Variants in XKR7 observed in about 807,000 individuals in gnomAD.
The protein encoded by XKR7 is XK-related protein 7.
XKR7 carries 11 observed loss-of-function variants against 42.2 expected under a neutral mutation model. The ratio of observed to expected loss-of-function variants is 0.26; its 90% CI spans 0.16 to 0.43. The LOEUF (loss-of-function observed/expected upper bound fraction) is 0.43. Among genes scored for constraint, XKR7 ranks in the 20% least tolerant of loss-of-function variants. The pLI is 1.00. For synonymous variants in XKR7, 346 were observed against 366.4 expected, an observed-to-expected ratio of 0.94 and a Z score of 0.64; for missense variants, 710 against 802.2, an observed-to-expected ratio of 0.89 and a Z score of 1.39.
chr20:31,968,537 G>C lies in XKR7; in HGVS notation c.362G>C (p.Gly121Ala). 2.5e-6 allele frequency: 4 copies of C among 1,608,244 alleles called. No homozygotes were observed. Among genetic ancestry groups the C allele is most frequent in the Non-Finnish European group, 2.5e-6 (3 of 1,177,678 alleles). ...GTCTACGACTACTCGGAGCCCGCAG[G>C]GTCCCCGGGACCCGCCGTCAGCACC... ...WFVYDYSEPA[G>A]SPGPAVSTKD... Residue 121 changes from glycine to alanine, a missense_variant, in exon 1 of 3, where the codon GGG (glycine) becomes GCG (alanine). Gly to Ala is a moderately conservative substitution (Grantham distance 60). Around this residue, in one of 2 missense-constraint regions of XKR7, gnomAD observed 708 missense variants for 786.2 expected, o/e 0.90. Transcript: ENST00000562532. This position sits in a 1 kb window ranked among gnomAD's most constrained non-coding sequence, Gnocchi z 4.5.
intron 1 of XKR7, among the ~76,000 whole-genome samples, chr20:31,973,708 G>C (rs2064473851): frequency 6.6e-6 from 1 of 152,156 alleles, no homozygotes; most frequent in South Asian, 2.1e-4. Context: ...GGCAGAAATA[G>C]AGTGAGGGGA....
chr20:31,982,289 G>A (rs914208230), intron 1 of XKR7, among the ~76,000 whole-genome samples: 1 of 152,110 alleles, frequency 6.6e-6, no homozygotes, highest in African/African-American at 2.4e-5. Flanking sequence ...GGGAGGCTGA[G>A]GTGGGTGGAT....
rs1189007426 is a variant in XKR7 at position 31,968,734 on chromosome 20, C to T, written c.559C>T (p.Leu187Phe). The T allele has an allele frequency of 6.5e-7, 1 of 1,541,804 alleles. No homozygotes were observed. Among genetic ancestry groups the T allele is most frequent in the Non-Finnish European group, 8.7e-7 (1 of 1,151,964 alleles). ...CIWLLQTLVH[L>F]LQLGQVWRYL... ...CTGGCTGCTGCAGACCCTCGTCCAC[C>T]TCCTGCAGCTCGGCCAGGTCTGGAG... Residue 187 changes from leucine (L) to phenylalanine (F), a missense_variant, in exon 1 of 3, where the codon CTC (leucine) becomes TTC (phenylalanine). Leu to Phe is a conservative substitution (Grantham distance 22). Transcript: ENST00000562532. This position sits in a 1 kb window ranked among gnomAD's most constrained non-coding sequence, Gnocchi z 4.5.
At chr20:31,969,169 C>G (rs1406183596) in intron 1 of XKR7, among the ~76,000 whole-genome samples, 1 of 152,206 alleles carries the variant, frequency 6.6e-6, no homozygotes, top group Non-Finnish European at 1.5e-5. Flanking sequence ...TCTCAGAAGT[C>G]CTTTCCTGCT....
Position 31,997,127 on chromosome 20 carries a change from G to A in XKR7, c.1410G>A (p.Thr470=), listed in dbSNP as rs746729361. The change falls in exon 3 of 3, where the codon ACG becomes ACA. Residue 470 remains threonine, a synonymous_variant. Transcript: ENST00000562532. ...GTGGCCCACCCGCTGACGCCATCAC[G>A]AGTCCCCCCAGGTCCCTGCCAAGGA... The part of the protein sequence containing the change: ...EPCGPPADAI[T]SPPRSLPRTT... 6.8e-6 allele frequency: 11 copies of A among 1,612,432 alleles called. No homozygotes were observed. Among genetic ancestry groups the A allele is most frequent in the East Asian group, 6.7e-5 (3 of 44,878 alleles).
At chr20:31,971,517 A>G (rs915084055) in intron 1 of XKR7, among the ~76,000 whole-genome samples, 1 of 152,228 alleles carries the variant, frequency 6.6e-6, no homozygotes. Context: ...AGGGGCTGGC[A>G]TTCCTAGAAA....
At chr20:31,981,973 C>A (rs1018879978) in intron 1 of XKR7, among the ~76,000 whole-genome samples, 1 of 152,240 alleles carries the variant, frequency 6.6e-6, no homozygotes, top group Non-Finnish European at 1.5e-5. Flanking sequence ...CCTTCCCTGA[C>A]TGCCACACCC....
chr20:31,996,984 T>G lies in XKR7; in HGVS notation c.1267T>G (p.Ser423Ala). The G allele has an allele frequency of 6.2e-7, 1 of 1,614,156 alleles. No individual in the cohort carries two copies. The highest frequency in any genetic ancestry group is 1.1e-5 in the South Asian group (1 of 91,086). Residue 423 changes from serine (S) to alanine (A), a missense_variant, in exon 3 of 3, where the codon TCC becomes GCC. By Grantham distance (99) the Ser-to-Ala change is moderately conservative. Coordinates refer to ENST00000562532, the MANE Select transcript of XKR7 (RefSeq NM_001011718.2). ...YSLIMVCVVA[S>A]SFALGIFFMC... ...GCTCATCATGGTCTGCGTAGTGGCC[T>G]CCAGCTTTGCGCTGGGCATATTCTT...
chr20:31,993,657 A>G (rs2064579303), intron 1 of XKR7, among the ~76,000 whole-genome samples: 1 of 152,192 alleles, frequency 6.6e-6, no homozygotes, highest in Non-Finnish European at 1.5e-5. Context: ...CTGTGTGCTA[A>G]GAACTGAGGA....
Position 31,995,167 on chromosome 20 carries a change from G to A in XKR7, c.684G>A (p.Val228=). The change falls in exon 2 of 3, where the codon GTG becomes GTA. Residue 228 remains valine (V), a synonymous_variant. Transcript: ENST00000562532. The surrounding 1 kb of genome is among the most constrained non-coding windows in gnomAD (Gnocchi z 4.1). ...YWQMLFESAD[V]SMLRLLETFL... ...AGATGCTGTTCGAGAGCGCCGACGTGAGCATGCTGCGCTTGCTGGAGACCT... is the reference window on the plus strand; with the variant it reads ...AGATGCTGTTCGAGAGCGCCGACGTAAGCATGCTGCGCTTGCTGGAGACCT... The A allele has an allele frequency of 1.3e-6, 2 of 1,552,500 alleles. No homozygotes were observed. Among genetic ancestry groups the A allele is most frequent in the Non-Finnish European group, 1.7e-6 (2 of 1,148,292 alleles).
At chr20:31,976,359 GA>G (rs2064484852) in intron 1 of XKR7, among the ~76,000 whole-genome samples, 1 of 152,036 alleles carries the variant, frequency 6.6e-6, no homozygotes, top group Non-Finnish European at 1.5e-5. Flanking sequence ...AGAAGCAGAA[GA>G]AAAAATATCA....
intron 1 of XKR7, among the ~76,000 whole-genome samples, chr20:31,993,753 A>T (rs2064579613): frequency 6.6e-6 from 1 of 152,184 alleles, no homozygotes; most frequent in African/African-American, 2.4e-5. Context: ...GTTACAACCC[A>T]CTGTGACAAG....
chr20:31,995,774 C>T lies in XKR7; in HGVS notation c.787+504C>T, dbSNP rs757775183. Reference sequence around the variant, plus strand: ...CCCAGGCCTAGTCCTGGCACCCATCCCCTCCTCCTCCCTACAGGCCCTGTT... The same window carrying T: ...CCCAGGCCTAGTCCTGGCACCCATCTCCTCCTCCTCCCTACAGGCCCTGTT... On this transcript the variant is annotated intron_variant, in intron 2 of 2. Transcript: ENST00000562532. The surrounding 1 kb of genome is among the most constrained non-coding windows in gnomAD (Gnocchi z 4.1). 1.4e-4 allele frequency among the ~76,000 whole-genome samples: 22 copies of T among 151,998 alleles called. No individual in the cohort carries two copies. Among genetic ancestry groups the T allele is most frequent in the Non-Finnish European group, 3.1e-4 (21 of 67,954 alleles).
chr20:31,987,939 AGACT>A (rs111396211), intron 1 of XKR7, among the ~76,000 whole-genome samples: 3 of 152,224 alleles, frequency 2.0e-5, no homozygotes, highest in African/African-American at 7.2e-5. Context: ...TTCCAGGGCG[AGACT>A]GACTGACTAA....
intron 1 of XKR7, among the ~76,000 whole-genome samples, chr20:31,969,718 T>C (rs2064455485): frequency 6.6e-6 from 1 of 152,256 alleles, no homozygotes; most frequent in South Asian, 2.1e-4. Context: ...GAATCCCTAC[T>C]CCTCTTATCT....
At chr20:31,988,522 G>A (rs2064553448) in intron 1 of XKR7, among the ~76,000 whole-genome samples, 1 of 152,102 alleles carries the variant, frequency 6.6e-6, no homozygotes, top group Non-Finnish European at 1.5e-5. Flanking sequence ...CTTTTGAGAT[G>A]TACACTCATC....
chr20:32,001,974 C>A lies in XKR7; in HGVS notation c.*4517C>A, dbSNP rs1000387950. On this transcript the variant is annotated 3_prime_UTR_variant, in exon 3 of 3. Transcript: ENST00000562532. The stretch of plus-strand genomic sequence containing the variant: ...TTGGGGTTTGAGCCCCCTTCCCAAC[C>A]ATAGAGGCTTCTGAGACCTGGGGCT... The A allele has an allele frequency of 6.6e-6, 1 of 152,288 alleles. No individual in the cohort carries two copies. 9.4% of individuals were successfully genotyped at this position (152,288 alleles called of 1,614,324 possible). A position where few individuals can be genotyped will look rare whatever the true frequency, so the allele number is the denominator to read the frequency against.
At chr20:31,973,516 C>T (rs1238547782) in intron 1 of XKR7, among the ~76,000 whole-genome samples, 1 of 152,062 alleles carries the variant, frequency 6.6e-6, no homozygotes, top group African/African-American at 2.4e-5. Flanking sequence ...TGAAACAGGG[C>T]AGGGAGCTAC....
At position 31,968,639 on chromosome 20, in the gene XKR7, C is replaced by T. The variant is rs2064448480; in HGVS notation, c.464C>T (p.Pro155Leu). Residue 155 changes from proline (P) to leucine (L), a missense_variant, in exon 1 of 3, where the codon CCC (proline) becomes CTC (leucine). By Grantham distance (98) the Pro-to-Leu change is moderately conservative. This residue lies in a region of XKR7 where 708 missense variants were observed against 786.2 expected (regional missense o/e 0.90). Coordinates refer to ENST00000562532, the MANE Select transcript of XKR7 (RefSeq NM_001011718.2). This position sits in a 1 kb window ranked among gnomAD's most constrained non-coding sequence, Gnocchi z 4.5. ...AGAFRTKEGSPEPGPQPAPSS... is the reference protein window; with the variant it reads ...AGAFRTKEGSLEPGPQPAPSS... ...GCCTTCCGGACCAAAGAAGGCAGCC[C>T]CGAGCCGGGTCCCCAGCCTGCGCCC... The T allele has an allele frequency of 4.4e-6, 7 of 1,589,384 alleles. No individual in the cohort carries two copies. The highest frequency in any genetic ancestry group is 5.1e-6 in the Non-Finnish European group (6 of 1,174,166).
Sources: allele counts gnomAD v4.1 joint callset (sites outside exome capture counted in the v4.1 genomes callset), GRCh38; gene constraint gnomAD v4.1.1; regional missense constraint gnomAD v4.1.1; non-coding constraint Gnocchi (gnomAD v3.1); transcripts MANE v1.5; gene names NCBI Gene and HGNC (gene_info 2026-07-23, HGNC 2026-07-21).